Variants in CEP128 observed in about 807,000 individuals in gnomAD.
CEP128 encodes centrosomal protein 128, also known as centrosomal protein 128kDa.
CEP128 carries 132 observed loss-of-function variants against 156.7 expected under a neutral mutation model. The observed-to-expected ratio is 0.84, with a 90% CI of 0.73 to 0.97. The LOEUF (loss-of-function observed/expected upper bound fraction) is 0.97. Ranked by LOEUF, CEP128 falls within the 50% of genes least tolerant of loss-of-function variation. The pLI is 0.00. For synonymous variants in CEP128, 469 were observed against 448.9 expected (o/e 1.04, Z -0.57); for missense variants, 1,252 against 1,281.9 (o/e 0.98, Z 0.36).
chr14:80,764,800 C>T (rs1057290432), intron 16 of CEP128, among the ~76,000 whole-genome samples: 6 of 152,192 alleles, frequency 3.9e-5, no homozygotes, highest in African/African-American at 1.4e-4. Context: ...AACAATTAAA[C>T]TAAACAAACA....
In CEP128 at chr14:80,785,528, A is replaced by G. The variant is rs368085043; in HGVS notation, c.1578T>C (p.Asp526=). The G allele has an allele frequency of 6.2e-7, 1 of 1,604,302 alleles. No homozygotes were observed. The highest frequency in any genetic ancestry group is 8.5e-7 in the Non-Finnish European group (1 of 1,176,474). The change falls in exon 15 of 25, where the codon GAT becomes GAC. Residue 526 remains aspartate, a synonymous_variant. Coordinates refer to ENST00000555265, the MANE Select transcript of CEP128 (RefSeq NM_152446.5). ...CTGCATACAGCTGGGTTTTCAATTC[A>G]TCCTTTTCTTTTAAAATCTATCAGG... ...GKNNQILKEK[D]ELKTQLYAAL... is the part of the protein sequence containing the mutation.
intron 19 of CEP128, among the ~76,000 whole-genome samples, chr14:80,703,801 ATGTG>A (rs952400117): frequency 6.6e-6 from 1 of 151,902 alleles, no homozygotes; most frequent in Non-Finnish European, 1.5e-5. Flanking sequence ...GTATATGTGT[ATGTG>A]TGTGTGTATT....
chr14:80,701,901 T>G (rs910935696), intron 19 of CEP128, among the ~76,000 whole-genome samples: 2 of 152,170 alleles, frequency 1.3e-5, no homozygotes, highest in Admixed American at 6.6e-5. Context: ...GCATGGGTGC[T>G]TCTCTCTGGA....
chr14:80,649,680 T>C (rs188086943), intron 19 of CEP128, among the ~76,000 whole-genome samples: 1 of 152,162 alleles, frequency 6.6e-6, no homozygotes, highest in Non-Finnish European at 1.5e-5. Context: ...CCCCAAATAT[T>C]TTATTAACAG....
At chr14:80,776,973 C>T (rs946329871) in intron 16 of CEP128, among the ~76,000 whole-genome samples, 7 of 152,120 alleles carry the variant, frequency 4.6e-5, no homozygotes, top group African/African-American at 1.7e-4. Context: ...TAATTTTACA[C>T]ATCTACTCAA....
At chr14:80,660,950 A>G (rs1450046314) in intron 19 of CEP128, among the ~76,000 whole-genome samples, 1 of 152,194 alleles carries the variant, frequency 6.6e-6, no homozygotes, top group African/African-American at 2.4e-5. Context: ...TTGTCATAAA[A>G]ACAAAATTCA....
chr14:80,902,246 T>C (rs1364895829), intron 6 of CEP128, among the ~76,000 whole-genome samples: 1 of 152,224 alleles, frequency 6.6e-6, no homozygotes, highest in Non-Finnish European at 1.5e-5. Context: ...AGGTTTCTGC[T>C]CATCACTGTT....
intron 19 of CEP128, among the ~76,000 whole-genome samples, chr14:80,617,814 TAAAC>T (rs1251994694): frequency 3.3e-5 from 5 of 151,548 alleles, no homozygotes; most frequent in Non-Finnish European, 5.9e-5. Flanking sequence ...AAATAAAAAA[TAAAC>T]AAACAAACAA....
intron 9 of CEP128, among the ~76,000 whole-genome samples, chr14:80,850,449 T>C (rs1286352717): frequency 2.0e-5 from 3 of 152,196 alleles, no homozygotes; most frequent in African/African-American, 4.8e-5. Context: ...CCCTATCAAG[T>C]ATTCTATGAC....
At chr14:80,863,467 A>G (rs529301291) in intron 8 of CEP128, among the ~76,000 whole-genome samples, 4 of 152,370 alleles carry the variant, frequency 2.6e-5, no homozygotes, top group South Asian at 2.1e-4. Context: ...AACGTGAAAG[A>G]AAGTCAAACT....
intron 16 of CEP128, among the ~76,000 whole-genome samples, chr14:80,775,203 A>C (rs1331429194): frequency 6.6e-6 from 1 of 152,220 alleles, no homozygotes; most frequent in African/African-American, 2.4e-5. Flanking sequence ...GAAGGATGAT[A>C]AAACTGAGGC....
intron 24 of CEP128, among the ~76,000 whole-genome samples, chr14:80,497,890 C>A (rs1359024041): frequency 6.6e-6 from 1 of 152,238 alleles, no homozygotes; most frequent in Admixed American, 6.5e-5. Context: ...CACACACTTG[C>A]ACACTCGCAA....
chr14:80,671,553 T>C (rs1361804773), intron 19 of CEP128, among the ~76,000 whole-genome samples: 1 of 152,218 alleles, frequency 6.6e-6, no homozygotes, highest in Non-Finnish European at 1.5e-5. Flanking sequence ...TAGACTCTTC[T>C]ATTCTTTATA....
intron 4 of CEP128, among the ~76,000 whole-genome samples, chr14:80,911,331 C>T (rs1335558967): frequency 6.6e-6 from 1 of 152,014 alleles, no homozygotes; most frequent in Non-Finnish European, 1.5e-5. Flanking sequence ...AGATCCCATC[C>T]CTACTAAAAA....
At chr14:80,650,207 GCTCT>G (rs1894840476) in intron 19 of CEP128, among the ~76,000 whole-genome samples, 3 of 152,112 alleles carry the variant, frequency 2.0e-5, no homozygotes, top group South Asian at 4.2e-4. Context: ...TCATGATCTG[GCTCT>G]CTGTTTGTCT....
intron 19 of CEP128, among the ~76,000 whole-genome samples, chr14:80,715,645 G>A (rs552684709): frequency 2.0e-5 from 3 of 152,272 alleles, no homozygotes; most frequent in Admixed American, 2.0e-4. Context: ...GGCAAAAAAT[G>A]AGCCTTATTG....
chr14:80,864,480 T>C (rs1887672210), intron 8 of CEP128, among the ~76,000 whole-genome samples: 1 of 152,132 alleles, frequency 6.6e-6, no homozygotes, highest in Admixed American at 6.5e-5. Flanking sequence ...TATCCAAAAT[T>C]ATTTAGACAT....
At chr14:80,811,848 G>GATAGATAGATAGATAGATA (rs1555350886) in intron 13 of CEP128, among the ~76,000 whole-genome samples, 191 of 18,822 alleles carry the variant, frequency 0.01, 1 homozygote, top group Non-Finnish European at 0.016. Flanking sequence ...ATAGATAGAT[G>GATAGATAGATAGATAGATA]ATAACAGTCC....
chr14:80,867,085 T>G (rs1356418983), intron 8 of CEP128, among the ~76,000 whole-genome samples: 1 of 152,196 alleles, frequency 6.6e-6, no homozygotes, highest in Non-Finnish European at 1.5e-5. Context: ...AAGAAACACT[T>G]TATGGCTTCT....
Sources: allele counts gnomAD v4.1 joint callset (sites outside exome capture counted in the v4.1 genomes callset), GRCh38; gene constraint gnomAD v4.1.1; transcripts MANE v1.5; gene names NCBI Gene and HGNC (gene_info 2026-07-23, HGNC 2026-07-21).